Variants in AKT3 observed in about 807,000 individuals in gnomAD.
AKT3 encodes AKT serine/threonine kinase 3.
AKT3 carries 15 observed loss-of-function variants against 65.3 expected under a neutral mutation model. That is an observed-to-expected ratio of 0.23 (90% confidence interval 0.15 to 0.35). AKT3 has a LOEUF of 0.35. Among genes scored for constraint, AKT3 ranks in the 10% least tolerant of loss-of-function variants. The probability of loss-of-function intolerance (pLI) is 1.00; values close to 1 mark genes in which losing one functional copy is unlikely to be tolerated. For missense variants in AKT3, 243 were observed against 576.5 expected (o/e 0.42, Z 5.92); for synonymous variants, 206 against 183.8 (o/e 1.12, Z -0.98).
At chr1:243,699,655 T>C (rs1223291852) in intron 2 of AKT3, among the ~76,000 whole-genome samples, 1 of 151,374 alleles carries the variant, frequency 6.6e-6, no homozygotes, top group East Asian at 1.9e-4. Flanking sequence ...GTGAGGTGAG[T>C]GGTGGACCCT....
intron 12 of AKT3, among the ~76,000 whole-genome samples, chr1:243,539,597 A>G (rs1574566631): frequency 6.6e-6 from 1 of 152,298 alleles, no homozygotes; most frequent in East Asian, 1.9e-4. Flanking sequence ...GGGCCATAAA[A>G]CAAATCTTTT....
intron 2 of AKT3, chr1:243,814,731 T>A (rs1284185672): frequency 6.6e-6 from 1 of 152,216 alleles, no homozygotes; most frequent in African/African-American, 2.4e-5. Context: ...TATCACTGCA[T>A]AACAGATTAC....
intron 8 of AKT3, among the ~76,000 whole-genome samples, chr1:243,606,138 C>T (rs1351434860): frequency 5.3e-5 from 8 of 152,162 alleles, no homozygotes; most frequent in Non-Finnish European, 1.2e-4. Flanking sequence ...GGGCAGTTCA[C>T]AGCAGCATGA....
rs758536198 is a variant in AKT3, at chr1:243,556,232, CACTT to C, written c.949-3293_949-3290del. Reference sequence around the variant, plus strand: ...ATATTTGATCAATATTTGATGAAGACACTTACATTTATAAAACAGCCAGGTGAGT... The same window carrying C: ...ATATTTGATCAATATTTGATGAAGACACATTTATAAAACAGCCAGGTGAGT... On this transcript the variant is annotated intron_variant, in intron 10 of 13. Transcript: ENST00000673466. 5.9e-5 allele frequency among the ~76,000 whole-genome samples: 9 copies of C among 152,162 alleles called. No homozygotes were observed. The East Asian group carries it at 1.2e-3, about 20-fold the overall frequency.
chr1:243,598,832 A>G (rs1247194226), intron 8 of AKT3, among the ~76,000 whole-genome samples: 1 of 152,158 alleles, frequency 6.6e-6, no homozygotes, highest in Non-Finnish European at 1.5e-5. Flanking sequence ...TTATTATTTT[A>G]TAATATGCAT....
At chr1:243,671,814 A>G (rs570560989) in intron 3 of AKT3, among the ~76,000 whole-genome samples, 17 of 152,364 alleles carry the variant, frequency 1.1e-4, no homozygotes, top group Non-Finnish European at 1.9e-4. Flanking sequence ...GGCAAGCTAA[A>G]TAACTTGCCC....
chr1:243,698,603 T>C (rs898119676), intron 2 of AKT3, among the ~76,000 whole-genome samples: 1 of 152,054 alleles, frequency 6.6e-6, no homozygotes, highest in Non-Finnish European at 1.5e-5. Context: ...TAAAAATAAA[T>C]GTATTATGCA....
intron 9 of AKT3, among the ~76,000 whole-genome samples, chr1:243,570,077 G>C (rs1332907452): frequency 1.3e-5 from 2 of 152,126 alleles, no homozygotes; most frequent in African/African-American, 4.8e-5. Flanking sequence ...GTACAACAAA[G>C]GCTTCAACAA....
At chr1:243,812,733 C>T (rs12136727) in intron 2 of AKT3, among the ~76,000 whole-genome samples, 11 of 151,740 alleles carry the variant, frequency 7.2e-5, no homozygotes, top group African/African-American at 2.2e-4. Flanking sequence ...ATGTTTATTG[C>T]GACACTATTC....
At chr1:243,828,323 C>A (rs941663717) in intron 2 of AKT3, among the ~76,000 whole-genome samples, 2 of 152,076 alleles carry the variant, frequency 1.3e-5, no homozygotes, top group African/African-American at 4.8e-5. Context: ...TTTTACAGAC[C>A]AGAAATTTAA....
intron 6 of AKT3, among the ~76,000 whole-genome samples, chr1:243,628,858 T>C (rs1679381133): frequency 6.6e-6 from 1 of 152,262 alleles, no homozygotes; most frequent in Admixed American, 6.5e-5. Context: ...TTGTACATTG[T>C]TCTCCTTGCA....
At chr1:243,672,243 GA>G (rs1683204341) in intron 3 of AKT3, among the ~76,000 whole-genome samples, 1 of 152,202 alleles carries the variant, frequency 6.6e-6, no homozygotes, top group Admixed American at 6.5e-5. Context: ...TGAAGGGAAA[GA>G]AAGTGGTAAG....
chr1:243,500,288 G>T lies in AKT3; in HGVS notation c.*4961C>A, dbSNP rs552280426. On this transcript the variant is annotated 3_prime_UTR_variant, in exon 14 of 14. Transcript: ENST00000673466. ...TCAGACTCCATTTTATTTATTTATC[G>T]TCCTACTTTGTGCACAATCAATCAA... The T allele has an allele frequency of 1.9e-5, 4 of 209,294 alleles. No homozygotes were observed. Among genetic ancestry groups the T allele is most frequent in the African/African-American group, 3.1e-5 (1 of 31,910 alleles). The allele number at this position is 209,294 out of a possible 1,614,324, so 13.0% of individuals were successfully genotyped here.
intron 2 of AKT3, among the ~76,000 whole-genome samples, chr1:243,758,089 A>G (rs1689253249): frequency 6.6e-6 from 1 of 152,200 alleles, no homozygotes; most frequent in South Asian, 2.1e-4. Flanking sequence ...AAGCTCTTAA[A>G]TAGGTTATGG....
intron 1 of AKT3, among the ~76,000 whole-genome samples, chr1:243,847,265 C>T (rs954868406): frequency 6.6e-6 from 1 of 152,130 alleles, no homozygotes; most frequent in African/African-American, 2.4e-5. Context: ...TTGCTCAAAT[C>T]TAAGATAGTT....
intron 2 of AKT3, among the ~76,000 whole-genome samples, chr1:243,819,509 C>T (rs1394281229): frequency 1.3e-5 from 2 of 152,204 alleles, no homozygotes; most frequent in African/African-American, 4.8e-5. Flanking sequence ...GACTCAGCCC[C>T]TGCGGGGAGA....
chr1:243,678,428 G>T (rs1394515145), intron 3 of AKT3, among the ~76,000 whole-genome samples: 1 of 152,092 alleles, frequency 6.6e-6, no homozygotes, highest in Admixed American at 6.5e-5. Flanking sequence ...AGAATGGGGG[G>T]AAAATCTCAT....
rs886064746 is a variant in AKT3, at chr1:243,527,441, A to T, written c.1252-15015T>A. On this transcript the variant is annotated intron_variant, in intron 12 of 13. Coordinates refer to ENST00000673466, the MANE Select transcript of AKT3 (RefSeq NM_005465.7). ...ATCAATCTTCCTAGAATACCTCTTA[A>T]ATCTTTTCTAAGTTGTGCTTTATAT... is the stretch of plus-strand genomic sequence containing the variant. Among the ~76,000 whole-genome samples, 11 of 152,300 alleles carry T rather than the reference A, an allele frequency of 7.2e-5. No homozygotes were observed. The East Asian group carries it at 1.9e-3, about 27-fold the overall frequency.
intron 2 of AKT3, among the ~76,000 whole-genome samples, chr1:243,831,202 G>C (rs1230547891): frequency 2.0e-5 from 3 of 152,146 alleles, no homozygotes; most frequent in South Asian, 2.1e-4. Context: ...ATGGTGAACT[G>C]TATTTCAGAA....
Sources: allele counts gnomAD v4.1 joint callset (sites outside exome capture counted in the v4.1 genomes callset), GRCh38; gene constraint gnomAD v4.1.1; transcripts MANE v1.5; gene names NCBI Gene and HGNC (gene_info 2026-07-23, HGNC 2026-07-21).